The following SPECC1 variants were observed in gnomAD, a reference collection of about 807,000 sequenced individuals.
SPECC1 encodes sperm antigen with calponin homology and coiled-coil domains 1.
A neutral mutation model predicts 104.1 loss-of-function variants in SPECC1; 62 were observed. The observed-to-expected ratio is 0.60, with a 90% confidence interval of 0.49 to 0.74. The LOEUF (loss-of-function observed/expected upper bound fraction) is 0.74. Among genes scored for constraint, SPECC1 ranks in the 30% least tolerant of loss-of-function variants. SPECC1 has a pLI of 0.00. For synonymous variants in SPECC1, 513 were observed against 501.6 expected, an observed-to-expected ratio of 1.02 and a Z score of -0.30; for missense variants, 1,306 against 1,310.5, an observed-to-expected ratio of 1.00 and a Z score of 0.05.
chr17:20,089,348 G>A (rs936600225), intron 1 of SPECC1, among the ~76,000 whole-genome samples: 1 of 152,186 alleles, frequency 6.6e-6, no homozygotes, highest in African/African-American at 2.4e-5. Flanking sequence ...AAAATGGGCT[G>A]AGTGCAGTGG....
chr17:20,039,021 C>T (rs190996524), intron 1 of SPECC1, among the ~76,000 whole-genome samples: 68 of 152,232 alleles, frequency 4.5e-4, no homozygotes, highest in African/African-American at 1.5e-3. Flanking sequence ...TGTAGAGTTG[C>T]GCCAACATCA....
chr17:20,264,174 T>C (rs2151608867), intron 12 of SPECC1, among the ~76,000 whole-genome samples: 1 of 152,314 alleles, frequency 6.6e-6, no homozygotes, highest in South Asian at 2.1e-4. Flanking sequence ...AAAATAACTT[T>C]CCTTTTATTT....
chr17:20,019,228 ATTTAT>A (rs2044274562), intron 1 of SPECC1, among the ~76,000 whole-genome samples: 1 of 102,978 alleles, frequency 9.7e-6, no homozygotes, highest in Non-Finnish European at 2.3e-5. Flanking sequence ...TTATTTATTT[ATTTAT>A]TTATTTATTT....
At chr17:20,030,565 T>TTC (rs1187513237) in intron 1 of SPECC1, among the ~76,000 whole-genome samples, 22 of 152,308 alleles carry the variant, frequency 1.4e-4, no homozygotes, top group Non-Finnish European at 2.5e-4. Flanking sequence ...ATGTTATAGG[T>TTC]TCAACAATAG....
intron 1 of SPECC1, among the ~76,000 whole-genome samples, chr17:20,075,390 A>G (rs1371465692): frequency 1.3e-5 from 2 of 152,212 alleles, no homozygotes; most frequent in Non-Finnish European, 2.9e-5. Context: ...TGGTGCAGCC[A>G]GGATGGGAAC....
intron 3 of SPECC1, among the ~76,000 whole-genome samples, chr17:20,189,127 C>G (rs908892022): frequency 6.6e-6 from 1 of 152,098 alleles, no homozygotes; most frequent in Non-Finnish European, 1.5e-5. Context: ...TCCCATCTGT[C>G]CTGAAAGTAA....
intron 3 of SPECC1, among the ~76,000 whole-genome samples, chr17:20,183,352 A>G (rs1288046043): frequency 6.6e-6 from 1 of 152,238 alleles, no homozygotes; most frequent in African/African-American, 2.4e-5. Flanking sequence ...GAATCCAGGA[A>G]TTCTGTCTTG....
In SPECC1 at chr17:20,196,818, T is replaced by G. The variant is rs544667497; in HGVS notation, c.284-7515T>G. 2.0e-5 allele frequency among the ~76,000 whole-genome samples: 3 copies of G among 152,382 alleles called. No homozygotes were observed. The East Asian group carries it at 5.8e-4, about 29-fold the overall frequency. ...TTTAAAAGTTAAACAGTTTATGACC[T>G]TAAAGCATTTAACAAACTTAATATC... On this transcript the variant is annotated intron_variant, in intron 3 of 14. Transcript: ENST00000395527.
At chr17:20,189,404 T>C (rs1464861747) in intron 3 of SPECC1, among the ~76,000 whole-genome samples, 3 of 152,190 alleles carry the variant, frequency 2.0e-5, no homozygotes, top group Admixed American at 2.0e-4. Context: ...TCAATGGAAA[T>C]TTGATGTCCC....
chr17:20,303,726 G>A (rs2041666717), intron 13 of SPECC1, among the ~76,000 whole-genome samples: 1 of 152,144 alleles, frequency 6.6e-6, no homozygotes, highest in Non-Finnish European at 1.5e-5. Context: ...ACTTTGACAG[G>A]CGGATCACCT....
At chr17:20,247,124 TA>T in intron 8 of SPECC1, 94 bp from the exon 9 acceptor site, 1 of 930,118 alleles carries the variant, frequency 1.1e-6, no homozygotes, top group Admixed American at 2.3e-5. Flanking sequence ...GGATACTCCT[TA>T]AGCCACCAAA....
At chr17:20,100,268 C>T (rs1033680259) in intron 2 of SPECC1, among the ~76,000 whole-genome samples, 7 of 152,120 alleles carry the variant, frequency 4.6e-5, no homozygotes, top group Non-Finnish European at 1.0e-4. Flanking sequence ...CCTGACCTTT[C>T]CAGCCCTGGT....
At chr17:20,200,867 T>A (rs1211191632) in intron 3 of SPECC1, among the ~76,000 whole-genome samples, 1 of 150,472 alleles carries the variant, frequency 6.6e-6, no homozygotes, top group Non-Finnish European at 1.5e-5. Flanking sequence ...GAAGAATCTT[T>A]TGGAAAACAG....
chr17:20,311,164 G>A (rs543735514), intron 14 of SPECC1, among the ~76,000 whole-genome samples: 76 of 146,014 alleles, frequency 5.2e-4, no homozygotes, highest in African/African-American at 1.9e-3. Context: ...ACAAAATCCA[G>A]TTGTTCAATT....
chr17:20,042,200 G>A (rs1281162225), intron 1 of SPECC1, among the ~76,000 whole-genome samples: 2 of 152,180 alleles, frequency 1.3e-5, no homozygotes, highest in East Asian at 1.9e-4. Context: ...CAGGCTTTCC[G>A]CTCTGCTTCC....
intron 12 of SPECC1, among the ~76,000 whole-genome samples, chr17:20,266,414 T>G (rs2040219620): frequency 6.6e-6 from 1 of 152,044 alleles, no homozygotes; most frequent in African/African-American, 2.4e-5. Flanking sequence ...AAACCCCGTC[T>G]CTACTAAAAA....
chr17:20,310,638 G>A (rs1189715975), intron 14 of SPECC1, among the ~76,000 whole-genome samples: 6 of 152,222 alleles, frequency 3.9e-5, no homozygotes, highest in Non-Finnish European at 7.3e-5. Context: ...CAGGGCTGCT[G>A]TGTCTTTACC....
At chr17:20,274,339 A>G (rs1260830140) in intron 12 of SPECC1, among the ~76,000 whole-genome samples, 3 of 152,192 alleles carry the variant, frequency 2.0e-5, no homozygotes, top group Non-Finnish European at 2.9e-5. Context: ...AGTGCGGCAC[A>G]GCGCCCTGGG....
At chr17:20,286,383 G>A (rs1024228483) in intron 12 of SPECC1, among the ~76,000 whole-genome samples, 3 of 152,162 alleles carry the variant, frequency 2.0e-5, no homozygotes, top group African/African-American at 7.2e-5. Context: ...CAGATGAGTG[G>A]TCCTTGGGAA....
Sources: allele counts gnomAD v4.1 joint callset (sites outside exome capture counted in the v4.1 genomes callset), GRCh38; gene constraint gnomAD v4.1.1; transcripts MANE v1.5; gene names NCBI Gene and HGNC (gene_info 2026-07-23, HGNC 2026-07-21).